PKP2: variants seen among roughly 807,000 people sequenced by gnomAD.
PKP2 encodes plakophilin 2.
In PKP2, 73 loss-of-function variants were observed where a neutral mutation model predicts 83.4. That is an observed-to-expected ratio of 0.88 (90% confidence interval 0.72 to 1.06). The LOEUF is 1.06. PKP2 is among the 50% of genes least tolerant of loss of function. The probability of loss-of-function intolerance (pLI) is 0.00; values close to 1 mark genes in which losing one functional copy is unlikely to be tolerated. For missense variants in PKP2, 966 were observed against 1,065.4 expected, an observed-to-expected ratio of 0.91 and a Z score of 1.30; for synonymous variants, 409 against 430.4, an observed-to-expected ratio of 0.95 and a Z score of 0.62.
At position 32,791,396 on chromosome 12, in the gene PKP2, G is replaced by A. The variant is rs1341856321; in HGVS notation, c.*1028C>T. On this transcript the variant is annotated 3_prime_UTR_variant, in exon 13 of 13. Coordinates refer to ENST00000340811, the MANE Select transcript of PKP2 (RefSeq NM_001005242.3). ...AGTGGCTCTGTGATATTTCTTAAATGGTGGGCAAGGCTGGGCTGGCTGATA... is the reference window on the plus strand; with the variant it reads ...AGTGGCTCTGTGATATTTCTTAAATAGTGGGCAAGGCTGGGCTGGCTGATA... 1 of 152,118 alleles carries A rather than the reference G, an allele frequency of 6.6e-6. No individual in the cohort carries two copies. The highest frequency in any genetic ancestry group is 1.5e-5 in the Non-Finnish European group (1 of 68,018). The allele number at this position is 152,118 out of a possible 1,614,324, so 9.4% of individuals were successfully genotyped here. A position where few individuals can be genotyped will look rare whatever the true frequency, so the allele number is the denominator to read the frequency against.
At chr12:32,870,470 T>C (rs1956886049) in intron 3 of PKP2, among the ~76,000 whole-genome samples, 1 of 152,118 alleles carries the variant, frequency 6.6e-6, no homozygotes, top group South Asian at 2.1e-4. Context: ...GAGAATTATA[T>C]AATGATCTCA....
At chr12:32,884,872 T>C (rs938565730) in intron 1 of PKP2, among the ~76,000 whole-genome samples, 4 of 151,948 alleles carry the variant, frequency 2.6e-5, no homozygotes, top group African/African-American at 4.8e-5. Context: ...AGGAGCACGA[T>C]GATATTACTG....
At chr12:32,873,923 TG>T (rs143272572) in intron 3 of PKP2, among the ~76,000 whole-genome samples, 6,306 of 152,300 alleles carry the variant, frequency 0.041, 193 homozygotes, top group Non-Finnish European at 0.06. Context: ...TCATAAATCA[TG>T]GTTTTAGAAA....
intron 6 of PKP2, among the ~76,000 whole-genome samples, chr12:32,832,847 C>T (rs1220656221): frequency 6.6e-6 from 1 of 152,160 alleles, no homozygotes; most frequent in Non-Finnish European, 1.5e-5. Context: ...AAATTAGACC[C>T]TGATTTAATT....
rs1956680852 is a variant in PKP2 at position 32,849,788 on chromosome 12, T to C, written c.1378+978A>G. Among the ~76,000 whole-genome samples the C allele has an allele frequency of 2.0e-5, 3 of 152,142 alleles. No homozygotes were observed. The South Asian group carries it at 6.2e-4, about 32-fold the overall frequency. ...TCAGTATTTGAACAAAAATGTGAAG[T>C]AGAGAATTAAAAAAACAAACATATC... is the stretch of plus-strand genomic sequence containing the variant. On this transcript the variant is annotated intron_variant, in intron 5 of 12. Transcript: ENST00000340811.
chr12:32,809,066 A>G (rs1385271432), intron 9 of PKP2, among the ~76,000 whole-genome samples: 2 of 152,288 alleles, frequency 1.3e-5, no homozygotes, highest in East Asian at 3.9e-4. Flanking sequence ...TCTGTTGGGG[A>G]GGACCCTTCC....
chr12:32,830,356 A>G (rs1279711994), intron 6 of PKP2, among the ~76,000 whole-genome samples: 1 of 152,198 alleles, frequency 6.6e-6, no homozygotes, highest in African/African-American at 2.4e-5. Context: ...CTGGCAGAGG[A>G]AGAAAAACTC....
At chr12:32,868,338 C>A (rs1956867534) in intron 4 of PKP2, among the ~76,000 whole-genome samples, 1 of 152,022 alleles carries the variant, frequency 6.6e-6, no homozygotes, top group Admixed American at 6.6e-5. Context: ...CTCAGCCTCC[C>A]AAGTAGCTGG....
At chr12:32,811,822 T>G (rs80291054) in intron 9 of PKP2, among the ~76,000 whole-genome samples, 10,475 of 152,270 alleles carry the variant, frequency 0.069, 372 homozygotes, top group Middle Eastern at 0.14. Context: ...GTGCTAGAGG[T>G]AAACATAAAT....
intron 6 of PKP2, among the ~76,000 whole-genome samples, chr12:32,833,934 A>C (rs952032973): frequency 6.6e-6 from 1 of 152,214 alleles, no homozygotes; most frequent in African/African-American, 2.4e-5. Flanking sequence ...GTAACTCAGG[A>C]AAGTGACTTT....
rs1591828909 is a variant in PKP2 at position 32,878,370 on chromosome 12, C to T, written c.510G>A (p.Gln170=). ...GCAGGGTGTGCCCAGCCTGGCTTCT[C>T]TGGCTGTACTGGTAATCGCTGTGCG... ...HYTHSDYQYS[Q]RSQAGHTLHH... Residue 170 remains glutamine (Q), a synonymous_variant, in exon 3 of 13, where the codon CAG becomes CAA. Transcript: ENST00000340811. The T allele has an allele frequency of 6.2e-7, 1 of 1,613,938 alleles. No individual in the cohort carries two copies. The highest frequency in any genetic ancestry group is 8.5e-7 in the Non-Finnish European group (1 of 1,179,988).
chr12:32,842,915 C>T (rs554680877), intron 5 of PKP2, among the ~76,000 whole-genome samples: 31 of 152,040 alleles, frequency 2.0e-4, no homozygotes, highest in East Asian at 9.7e-4. Context: ...CCTGGTGATC[C>T]GCCCACCTCG....
rs186103955 is a variant in PKP2, at chr12:32,807,247, C to G, written c.2014-4691G>C. Among the ~76,000 whole-genome samples, 822 of 152,102 alleles carry G rather than the reference C, an allele frequency of 5.4e-3. 3 individuals are homozygous for G. Among genetic ancestry groups the G allele is most frequent in the Non-Finnish European group, 8.1e-3 (548 of 67,914 alleles). On this transcript the variant is annotated intron_variant, in intron 9 of 12. Coordinates refer to ENST00000340811, the MANE Select transcript of PKP2 (RefSeq NM_001005242.3). The stretch of plus-strand genomic sequence containing the variant: ...CGCTTGATCCAGAGCTGAGTTAACT[C>G]TTCTTGTTGAATTGAACCCTTTACC...
intron 5 of PKP2, among the ~76,000 whole-genome samples, chr12:32,846,419 G>C (rs991050904): frequency 3.3e-5 from 5 of 152,138 alleles, no homozygotes; most frequent in African/African-American, 7.2e-5. Context: ...AGTAGAGCGA[G>C]AGATGAAGAC....
rs531432206 is a variant in PKP2, at chr12:32,887,703, C to T, written c.224-8671G>A. Among the ~76,000 whole-genome samples, 6 of 152,310 alleles carry T rather than the reference C, an allele frequency of 3.9e-5. 1 individual carries two copies. The South Asian group carries it at 1.2e-3, about 32-fold the overall frequency. On this transcript the variant is annotated intron_variant, in intron 1 of 12. Transcript: ENST00000340811. Reference sequence around the variant, plus strand: ...CTGGCCTCAAGAGTTCTACCCGCCTCGGGCTCCCAAAGTGCCAGCGCTTTA... The same window carrying T: ...CTGGCCTCAAGAGTTCTACCCGCCTTGGGCTCCCAAAGTGCCAGCGCTTTA...
At chr12:32,794,324 T>C (rs1018813986) in intron 11 of PKP2, among the ~76,000 whole-genome samples, 4 of 152,230 alleles carry the variant, frequency 2.6e-5, no homozygotes, top group Non-Finnish European at 4.4e-5. Flanking sequence ...AAGTTGGTTG[T>C]TTGATACTTG....
intron 5 of PKP2, among the ~76,000 whole-genome samples, chr12:32,845,306 C>G (rs1411063677): frequency 1.3e-5 from 2 of 152,140 alleles, no homozygotes; most frequent in Non-Finnish European, 2.9e-5. Flanking sequence ...AATCCCAGCA[C>G]TCTGGGAGGC....
intron 3 of PKP2, among the ~76,000 whole-genome samples, chr12:32,874,783 C>G (rs1191585442): frequency 6.6e-6 from 1 of 152,088 alleles, no homozygotes; most frequent in Non-Finnish European, 1.5e-5. Flanking sequence ...TTCTGTTGCC[C>G]AGGCTGGGGT....
intron 9 of PKP2, among the ~76,000 whole-genome samples, chr12:32,819,302 AC>A (rs1254469918): frequency 8.1e-5 from 2 of 24,714 alleles, no homozygotes; most frequent in East Asian, 4.4e-4. Flanking sequence ...ACAATACAAT[AC>A]AATACAATAC....
Sources: gnomAD v4.1 joint callset for allele counts (sites outside exome capture counted in the v4.1 genomes callset) on GRCh38, gnomAD v4.1.1 for gene constraint, MANE v1.5 for transcripts, NCBI Gene and HGNC (gene_info 2026-07-23, HGNC 2026-07-21) for gene names.